The following CACNB2 variants were observed in gnomAD, a reference collection of about 807,000 sequenced individuals.
The protein encoded by CACNB2 is voltage-dependent L-type calcium channel subunit beta-2.
A neutral mutation model predicts 73.3 loss-of-function variants in CACNB2; 42 were observed. That is an observed-to-expected ratio of 0.57 (90% CI 0.45 to 0.74). The LOEUF is 0.74. Ranked by LOEUF, CACNB2 falls within the 30% of genes least tolerant of loss-of-function variation. The probability of loss-of-function intolerance (pLI) is 0.00; values close to 1 mark genes in which losing one functional copy is unlikely to be tolerated. For missense variants in CACNB2, 940 were observed against 853.0 expected, an observed-to-expected ratio of 1.10 and a Z score of -1.27; for synonymous variants, 348 against 310.3, an observed-to-expected ratio of 1.12 and a Z score of -1.28.
At chr10:18,346,439 GA>G (rs1331912341) in intron 2 of CACNB2, among the ~76,000 whole-genome samples, 2 of 152,072 alleles carry the variant, frequency 1.3e-5, no homozygotes, top group Non-Finnish European at 2.9e-5. Context: ...CACCCGGCCA[GA>G]ACTGGAACTT....
rs200452448 is a variant in CACNB2 at position 18,506,471 on chromosome 10, T to C, written c.594T>C (p.Ser198=). The C allele has an allele frequency of 8.7e-6, 14 of 1,603,238 alleles. No individual in the cohort carries two copies. The highest frequency in any genetic ancestry group is 1.3e-5 in the African/African-American group (1 of 74,834). ...QRAKQGKFYS[S]KSGGNSSSSL... Reference sequence around the variant, plus strand: ...AATAGAAATTTTTGCTTTACTCCAGTAAATCAGGAGGAAATTCATCATCCA... The same window carrying C: ...AATAGAAATTTTTGCTTTACTCCAGCAAATCAGGAGGAAATTCATCATCCA... Residue 198 remains serine (S), a splice_region_variant and synonymous_variant, in exon 6 of 14, where the codon AGT becomes AGC. Transcript: ENST00000324631.
chr10:18,421,822 C>T (rs768110539), intron 3 of CACNB2, among the ~76,000 whole-genome samples: 1 of 152,148 alleles, frequency 6.6e-6, no homozygotes, highest in African/African-American at 2.4e-5. Flanking sequence ...CAGCCTTTTT[C>T]CTTTTAGAGT....
At chr10:18,164,839 G>T (rs559361871) in intron 2 of CACNB2, among the ~76,000 whole-genome samples, 1 of 152,200 alleles carries the variant, frequency 6.6e-6, no homozygotes, top group African/African-American at 2.4e-5. Context: ...TGAAAACTGC[G>T]TGGGAAACAG....
intron 2 of CACNB2, among the ~76,000 whole-genome samples, chr10:18,364,795 T>C (rs1306556614): frequency 2.0e-5 from 3 of 152,234 alleles, no homozygotes; most frequent in Non-Finnish European, 4.4e-5. Flanking sequence ...AATCTTCCTC[T>C]TTCTGCCAAA....
chr10:18,167,180 T>C (rs553306152), intron 2 of CACNB2, among the ~76,000 whole-genome samples: 2 of 152,040 alleles, frequency 1.3e-5, no homozygotes, highest in African/African-American at 2.4e-5. Flanking sequence ...TTATCCTGAG[T>C]GAACTAACTG....
intron 3 of CACNB2, among the ~76,000 whole-genome samples, chr10:18,444,465 A>T (rs1015819709): frequency 6.6e-6 from 1 of 152,226 alleles, no homozygotes; most frequent in African/African-American, 2.4e-5. Context: ...GCATTATTCT[A>T]AGTCCTTCAC....
At chr10:18,143,512 ATTCATCTCCTTGCT>A (rs2030649201) in intron 1 of CACNB2, among the ~76,000 whole-genome samples, 1 of 152,248 alleles carries the variant, frequency 6.6e-6, no homozygotes, top group African/African-American at 2.4e-5. Context: ...CTGCATCAAC[ATTCATCTCCTTGCT>A]TTCTCTGCCT....
Position 18,461,899 on chromosome 10 carries a change from T to A in CACNB2, c.334-36456T>A, listed in dbSNP as rs78437663. On this transcript the variant is annotated intron_variant, in intron 3 of 13. Transcript: ENST00000324631. ...AGGAGGGAGTTTATCCAGTATCTGA[T>A]AAGACATAGCTGCCTTGGCATCTGC... is the stretch of plus-strand genomic sequence containing the variant. Among the ~76,000 whole-genome samples the A allele has an allele frequency of 2.1e-3, 314 of 151,762 alleles. 1 individual carries two copies. The highest frequency in any genetic ancestry group is 7.4e-3 in the African/African-American group (307 of 41,384).
At chr10:18,357,143 C>T (rs1320248903) in intron 2 of CACNB2, among the ~76,000 whole-genome samples, 1 of 150,122 alleles carries the variant, frequency 6.7e-6, no homozygotes, top group African/African-American at 2.5e-5. Flanking sequence ...CGGGGTTTCA[C>T]CGTGTTAGCC....
At chr10:18,167,059 A>G (rs1341447456) in intron 2 of CACNB2, among the ~76,000 whole-genome samples, 4 of 151,960 alleles carry the variant, frequency 2.6e-5, no homozygotes, top group Non-Finnish European at 4.4e-5. Flanking sequence ...CTCCCTTGCT[A>G]CTCCACCTGC....
chr10:18,162,603 T>A (rs2032547948), intron 2 of CACNB2, among the ~76,000 whole-genome samples: 1 of 152,226 alleles, frequency 6.6e-6, no homozygotes, highest in Non-Finnish European at 1.5e-5. Flanking sequence ...ACATCAGGGA[T>A]CTGAACACGT....
At chr10:18,536,435 T>C (rs1247160915) in intron 12 of CACNB2, among the ~76,000 whole-genome samples, 15 of 151,596 alleles carry the variant, frequency 9.9e-5, no homozygotes, top group Admixed American at 9.2e-4. Flanking sequence ...ACTTTTTTTT[T>C]TCCCCCTGTA....
intron 2 of CACNB2, among the ~76,000 whole-genome samples, chr10:18,201,350 C>G (rs1319512582): frequency 6.6e-6 from 1 of 150,918 alleles, no homozygotes; most frequent in Non-Finnish European, 1.5e-5. Flanking sequence ...TCTTGACTCA[C>G]TGCAACCTCC....
chr10:18,298,910 T>C (rs2039387525), intron 2 of CACNB2, among the ~76,000 whole-genome samples: 1 of 152,052 alleles, frequency 6.6e-6, no homozygotes, highest in Non-Finnish European at 1.5e-5. Context: ...AGCTCAGGGA[T>C]AGTGCCTTTG....
At chr10:18,299,372 A>G (rs1219199780) in intron 2 of CACNB2, among the ~76,000 whole-genome samples, 1 of 152,186 alleles carries the variant, frequency 6.6e-6, no homozygotes, top group Non-Finnish European at 1.5e-5. Flanking sequence ...AGTTTTCCCA[A>G]GGAAAAGCTC....
chr10:18,409,869 T>G (rs1489430023), intron 3 of CACNB2, among the ~76,000 whole-genome samples: 1 of 152,192 alleles, frequency 6.6e-6, no homozygotes, highest in Non-Finnish European at 1.5e-5. Flanking sequence ...GGAGATCTTA[T>G]AATTATTTAA....
At chr10:18,400,580 C>A in intron 2 of CACNB2, 1 of 1,019,942 alleles carries the variant, frequency 9.8e-7, no homozygotes, top group Non-Finnish European at 1.2e-6. Flanking sequence ...CCCTCGAGAT[C>A]TCCAAAGATA....
At chr10:18,175,202 T>C (rs181536255) in intron 2 of CACNB2, among the ~76,000 whole-genome samples, 1 of 152,286 alleles carries the variant, frequency 6.6e-6, no homozygotes, top group African/African-American at 2.4e-5. Flanking sequence ...ACTTGCAGTG[T>C]TGTTTGAAAT....
chr10:18,317,482 A>G (rs2040236568), intron 2 of CACNB2, among the ~76,000 whole-genome samples: 1 of 152,102 alleles, frequency 6.6e-6, no homozygotes, highest in South Asian at 2.1e-4. Context: ...GAGAACATGT[A>G]GAATTTGATT....
Sources: allele counts gnomAD v4.1 joint callset (sites outside exome capture counted in the v4.1 genomes callset), GRCh38; gene constraint gnomAD v4.1.1; transcripts MANE v1.5; gene names NCBI Gene and HGNC (gene_info 2026-07-23, HGNC 2026-07-21).